Variants in LRRTM4 observed in about 807,000 individuals in gnomAD.
The protein encoded by LRRTM4 is leucine rich repeat transmembrane neuronal 4.
A neutral mutation model predicts 47.6 loss-of-function variants in LRRTM4; 25 were observed. That is an observed-to-expected ratio of 0.53 (90% CI 0.38 to 0.73). The LOEUF is 0.73. Ranked by LOEUF, LRRTM4 falls within the 30% of genes least tolerant of loss-of-function variation. LRRTM4 has a pLI of 0.00. For missense variants in LRRTM4, 638 were observed against 713.4 expected (o/e 0.89, Z 1.20); for synonymous variants, 311 against 269.5 (o/e 1.15, Z -1.51).
chr2:77,400,464 G>C (rs374129043), intron 3 of LRRTM4, among the ~76,000 whole-genome samples: 1 of 151,670 alleles, frequency 6.6e-6, no homozygotes, highest in African/African-American at 2.4e-5. Context: ...TCTATAACAC[G>C]GTCTGAGTTC....
intron 3 of LRRTM4, among the ~76,000 whole-genome samples, chr2:77,449,592 C>T (rs1009557454): frequency 6.6e-6 from 1 of 152,130 alleles, no homozygotes; most frequent in African/African-American, 2.4e-5. Context: ...ATCATGTGAC[C>T]TACACTCTGC....
chr2:76,762,056 T>C (rs898809441), intron 3 of LRRTM4, among the ~76,000 whole-genome samples: 1 of 152,158 alleles, frequency 6.6e-6, no homozygotes, highest in Non-Finnish European at 1.5e-5. Flanking sequence ...GTCCACTCAC[T>C]CACCCCCAAC....
intron 3 of LRRTM4, among the ~76,000 whole-genome samples, chr2:76,976,808 G>A (rs1008692130): frequency 6.6e-6 from 1 of 151,730 alleles, no homozygotes; most frequent in Non-Finnish European, 1.5e-5. Context: ...GTAATTTGGT[G>A]TATATTTTCA....
intron 3 of LRRTM4, among the ~76,000 whole-genome samples, chr2:76,907,512 T>C (rs1370715698): frequency 6.9e-6 from 1 of 144,876 alleles, no homozygotes; most frequent in Non-Finnish European, 1.5e-5. Flanking sequence ...CTGAAGGAAA[T>C]AGAGACACAA....
At chr2:76,967,079 CAT>C (rs1178388568) in intron 3 of LRRTM4, among the ~76,000 whole-genome samples, 8 of 151,288 alleles carry the variant, frequency 5.3e-5, no homozygotes, top group East Asian at 2.0e-4. Flanking sequence ...CATAACATCA[CAT>C]GTTTACTGTC....
At chr2:76,851,249 G>T (rs1671985504) in intron 3 of LRRTM4, among the ~76,000 whole-genome samples, 2 of 152,148 alleles carry the variant, frequency 1.3e-5, no homozygotes, top group South Asian at 2.1e-4. Flanking sequence ...AGATGCTCTG[G>T]TTTTATGAGT....
intron 3 of LRRTM4, among the ~76,000 whole-genome samples, chr2:76,942,676 CTGTGTGTGTGTGTGTG>C (rs61077287): frequency 1.3e-5 from 2 of 148,208 alleles, no homozygotes; most frequent in South Asian, 2.1e-4. Flanking sequence ...CTCTAGGAAT[CTGTGTGTGTGTGTGTG>C]TGTGTGTGTG....
intron 3 of LRRTM4, among the ~76,000 whole-genome samples, chr2:77,094,867 C>G (rs1387487729): frequency 6.6e-6 from 1 of 152,132 alleles, no homozygotes; most frequent in East Asian, 1.9e-4. Context: ...TGACATTGGT[C>G]TGGACAACAA....
chr2:77,459,245 A>T (rs953138536), intron 3 of LRRTM4, among the ~76,000 whole-genome samples: 4 of 152,074 alleles, frequency 2.6e-5, no homozygotes, highest in Non-Finnish European at 2.9e-5. Context: ...GTTTTTACTT[A>T]ACTTTTGTTA....
intron 3 of LRRTM4, among the ~76,000 whole-genome samples, chr2:77,496,014 C>G (rs1433345833): frequency 1.3e-5 from 2 of 151,926 alleles, no homozygotes; most frequent in South Asian, 4.1e-4. Flanking sequence ...CCACCTCACC[C>G]ATTACTTACA....
Position 76,862,072 on chromosome 2 carries a change from C to CT in LRRTM4, c.1552-113157dup, listed in dbSNP as rs10713746. Among the ~76,000 whole-genome samples the CT allele has an allele frequency of 5.6e-3, 805 of 144,184 alleles. 7 individuals carry two copies. Among genetic ancestry groups the CT allele is most frequent in the African/African-American group, 9.2e-3 (365 of 39,852 alleles). 94.6% of individuals were successfully genotyped at this position (144,184 alleles called of 152,430 possible). A position where few individuals can be genotyped will look rare whatever the true frequency, so the allele number is the denominator to read the frequency against. ...AGGTATTGGGGCTTGCTAATTTAGG[C>CT]TTTTTTTTTTTAAATAAAGCAAGTG... On this transcript the variant is annotated intron_variant, in intron 3 of 3. Coordinates refer to ENST00000409884, the MANE Select transcript of LRRTM4 (RefSeq NM_001134745.3).
intron 3 of LRRTM4, among the ~76,000 whole-genome samples, chr2:77,301,293 T>C (rs1677127749): frequency 6.6e-6 from 1 of 152,128 alleles, no homozygotes; most frequent in South Asian, 2.1e-4. Flanking sequence ...TCAAATGACA[T>C]AATTGAATTT....
At chr2:77,297,110 T>G (rs894412940) in intron 3 of LRRTM4, among the ~76,000 whole-genome samples, 4 of 152,150 alleles carry the variant, frequency 2.6e-5, no homozygotes, top group Non-Finnish European at 4.4e-5. Flanking sequence ...TTATTGTTTT[T>G]TTGTTGTTGT....
At chr2:76,980,563 A>C (rs937909067) in intron 3 of LRRTM4, among the ~76,000 whole-genome samples, 1 of 152,078 alleles carries the variant, frequency 6.6e-6, no homozygotes, top group Admixed American at 6.6e-5. Context: ...CTCACAGAAG[A>C]CAAGTTCTTG....
At chr2:77,336,865 A>T (rs1272867040) in intron 3 of LRRTM4, among the ~76,000 whole-genome samples, 1 of 152,126 alleles carries the variant, frequency 6.6e-6, no homozygotes, top group African/African-American at 2.4e-5. Flanking sequence ...AGTCCTCACC[A>T]CAGAAATCAG....
At chr2:77,194,637 C>T (rs1408971970) in intron 3 of LRRTM4, among the ~76,000 whole-genome samples, 2 of 152,158 alleles carry the variant, frequency 1.3e-5, no homozygotes, top group Non-Finnish European at 2.9e-5. Context: ...CTGGCTACAA[C>T]TGCCTCCAGA....
intron 3 of LRRTM4, among the ~76,000 whole-genome samples, chr2:76,913,542 A>ATTTTTTTTTTTTTTTT (rs1391773413): frequency 1.0e-5 from 1 of 96,440 alleles, no homozygotes; most frequent in Non-Finnish European, 2.0e-5. Flanking sequence ...ATCCTATTTC[A>ATTTTTTTTTTTTTTTT]ATTTTTTTTT....
intron 3 of LRRTM4, among the ~76,000 whole-genome samples, chr2:77,039,685 T>G (rs1678959805): frequency 6.6e-6 from 1 of 151,378 alleles, no homozygotes; most frequent in South Asian, 2.1e-4. Flanking sequence ...TGTTTATTTG[T>G]ATACACAGAT....
At chr2:77,141,739 C>T (rs1672129026) in intron 3 of LRRTM4, among the ~76,000 whole-genome samples, 1 of 152,102 alleles carries the variant, frequency 6.6e-6, no homozygotes, top group Non-Finnish European at 1.5e-5. Context: ...GTTACTGGCT[C>T]CCAATTTTGG....
Sources: gnomAD v4.1 joint callset for allele counts (sites outside exome capture counted in the v4.1 genomes callset) on GRCh38, gnomAD v4.1.1 for gene constraint, MANE v1.5 for transcripts, NCBI Gene and HGNC (gene_info 2026-07-23, HGNC 2026-07-21) for gene names.